DTNA: variants seen among roughly 807,000 people sequenced by gnomAD.
DTNA encodes the protein dystrophin-related protein 3.
In DTNA, 43 loss-of-function variants were observed where a neutral mutation model predicts 100.7. That is an observed-to-expected ratio of 0.43 (90% confidence interval 0.33 to 0.55). The LOEUF is 0.55. Among genes scored for constraint, DTNA ranks in the 20% least tolerant of loss-of-function variants. The pLI is 0.04. For synonymous variants in DTNA, 349 were observed against 347.9 expected, an observed-to-expected ratio of 1.00 and a Z score of -0.04; for missense variants, 798 against 953.9, an observed-to-expected ratio of 0.84 and a Z score of 2.15.
chr18:34,824,513 G>A (rs1043093988), intron 9 of DTNA, among the ~76,000 whole-genome samples: 1 of 151,886 alleles, frequency 6.6e-6, no homozygotes, highest in Non-Finnish European at 1.5e-5. Context: ...CATGGCACAT[G>A]TATACCTACG....
At chr18:34,840,363 A>G (rs141600386) in intron 13 of DTNA, among the ~76,000 whole-genome samples, 8 of 152,330 alleles carry the variant, frequency 5.3e-5, no homozygotes, top group African/African-American at 1.7e-4. Flanking sequence ...TAGCTGAAGC[A>G]GTAGAACTAA....
intron 1 of DTNA, among the ~76,000 whole-genome samples, chr18:34,532,808 A>T (rs1221260886): frequency 1.3e-5 from 2 of 151,702 alleles, no homozygotes; most frequent in Admixed American, 1.3e-4. Flanking sequence ...TAGATTTTAA[A>T]AATTAGAAGC....
intron 1 of DTNA, among the ~76,000 whole-genome samples, chr18:34,622,250 A>G (rs2056631091): frequency 6.6e-6 from 1 of 152,216 alleles, no homozygotes; most frequent in Non-Finnish European, 1.5e-5. Flanking sequence ...CACTATAAAT[A>G]TATGCAATGT....
chr18:34,753,678 G>C lies in DTNA; in HGVS notation c.-1-2298G>C, dbSNP rs1009497232. On this transcript the variant is annotated intron_variant, in intron 1 of 22. Transcript: ENST00000444659. ...ATTACAGGCGTGAGCCACCGCGCCC[G>C]GCCTGTGATTTATTTTTAATCATTC... Among the ~76,000 whole-genome samples, 136 of 141,898 alleles carry C rather than the reference G, an allele frequency of 9.6e-4. 13 individuals are homozygous for C. Among genetic ancestry groups the C allele is most frequent in the African/African-American group, 4.1e-3 (130 of 31,764 alleles). 93.1% of individuals were successfully genotyped at this position (141,898 alleles called of 152,430 possible). A position where few individuals can be genotyped will look rare whatever the true frequency, so the allele number is the denominator to read the frequency against.
chr18:34,532,394 A>C (rs556016664), intron 1 of DTNA, among the ~76,000 whole-genome samples: 31 of 152,224 alleles, frequency 2.0e-4, no homozygotes, highest in African/African-American at 6.3e-4. Context: ...GTAAAAAGAC[A>C]AGTCAGGTGG....
chr18:34,851,724 T>G (rs186149722), intron 14 of DTNA, 107 bp from the exon 15 acceptor site: 15 of 1,226,054 alleles, frequency 1.2e-5, no homozygotes, highest in Middle Eastern at 4.0e-4. Context: ...TTTGTTTTGA[T>G]AGAAATAATT....
chr18:34,838,142 G>A lies in DTNA; in HGVS notation c.1224G>A (p.Arg408=), dbSNP rs1308099814. The change falls in exon 12 of 23, where the codon AGG becomes AGA. Residue 408 remains arginine, a synonymous_variant. Coordinates refer to ENST00000444659, the MANE Select transcript of DTNA (RefSeq NM_001386795.1). ...SEVEQNKLLA[R]AAPAFLKGKG... The stretch of plus-strand genomic sequence containing the variant: ...TAGAGCAGAACAAACTGCTGGCTAG[G>A]GCTGCTCCAGCTTTTCTGAAGGGCA... 1.2e-6 allele frequency: 2 copies of A among 1,613,830 alleles called. No individual in the cohort carries two copies. Among genetic ancestry groups the A allele is most frequent in the South Asian group, 1.1e-5 (1 of 91,070 alleles).
At position 34,890,213 on chromosome 18, in the gene DTNA, A is replaced by G. The variant is rs1008375748; in HGVS notation, c.*2479A>G. 3 of 1,463,388 alleles carry G rather than the reference A, an allele frequency of 2.1e-6. No homozygotes were observed. The African/African-American group carries it at 4.3e-5, about 21-fold the overall frequency. 90.7% of individuals were successfully genotyped at this position (1,463,388 alleles called of 1,614,324 possible). Reference sequence around the variant, plus strand: ...CCAACTCCATCACATGGTTGTTGATATCGTCATATAAAGCCATTGCAAGGA... The same window carrying G: ...CCAACTCCATCACATGGTTGTTGATGTCGTCATATAAAGCCATTGCAAGGA... On this transcript the variant is annotated 3_prime_UTR_variant, in exon 23 of 23. Coordinates refer to ENST00000444659, the MANE Select transcript of DTNA (RefSeq NM_001386795.1).
chr18:34,813,325 C>T (rs1293345753), intron 6 of DTNA, among the ~76,000 whole-genome samples: 2 of 151,550 alleles, frequency 1.3e-5, no homozygotes, highest in Admixed American at 1.3e-4. Flanking sequence ...AAAACATAGC[C>T]AGGCATGGTG....
At chr18:34,650,790 AG>A (rs1188132190) in intron 1 of DTNA, among the ~76,000 whole-genome samples, 2 of 152,210 alleles carry the variant, frequency 1.3e-5, no homozygotes, top group African/African-American at 4.8e-5. Context: ...TAGTAGTACT[AG>A]GATATGTGTT....
intron 1 of DTNA, among the ~76,000 whole-genome samples, chr18:34,539,979 T>C (rs2044090488): frequency 6.6e-6 from 1 of 151,894 alleles, no homozygotes; most frequent in African/African-American, 2.4e-5. Flanking sequence ...TAACCAAAAA[T>C]ATATAAGTAA....
intron 3 of DTNA, 76 bp from the exon 4 acceptor site, chr18:34,793,961 G>C: frequency 6.7e-7 from 1 of 1,491,684 alleles, no homozygotes; most frequent in South Asian, 1.2e-5. Context: ...AAAAAAACAG[G>C]ACAGAGGGTC....
intron 1 of DTNA, among the ~76,000 whole-genome samples, chr18:34,564,491 G>C (rs1375214677): frequency 6.6e-6 from 1 of 152,200 alleles, no homozygotes; most frequent in Non-Finnish European, 1.5e-5. Flanking sequence ...AACTGGGAAA[G>C]TCATAGTCTT....
intron 1 of DTNA, among the ~76,000 whole-genome samples, chr18:34,581,816 G>A (rs1357808046): frequency 6.6e-6 from 1 of 151,896 alleles, no homozygotes; most frequent in East Asian, 1.9e-4. Flanking sequence ...TAGAGACAGG[G>A]TTTCACCATG....
chr18:34,580,468 TG>T (rs1194397438), intron 1 of DTNA, among the ~76,000 whole-genome samples: 1 of 152,082 alleles, frequency 6.6e-6, no homozygotes, highest in African/African-American at 2.4e-5. Context: ...TGGCTGTGTG[TG>T]GGGTCGGGGG....
chr18:34,724,573 G>A (rs1052527657), intron 1 of DTNA, among the ~76,000 whole-genome samples: 3 of 152,206 alleles, frequency 2.0e-5, no homozygotes, highest in African/African-American at 7.2e-5. Context: ...AAGGTGAAAG[G>A]GAAATAGCAT....
At chr18:34,536,430 G>A (rs1188475451) in intron 1 of DTNA, among the ~76,000 whole-genome samples, 1 of 151,840 alleles carries the variant, frequency 6.6e-6, no homozygotes, top group Admixed American at 6.6e-5. Context: ...ATCAAAACAT[G>A]TTATTGATTC....
chr18:34,714,856 A>G (rs1600687696), intron 1 of DTNA, among the ~76,000 whole-genome samples: 1 of 152,172 alleles, frequency 6.6e-6, no homozygotes, highest in Non-Finnish European at 1.5e-5. Context: ...GCACATACAC[A>G]CCATGGAATA....
At chr18:34,563,108 A>G (rs533311721) in intron 1 of DTNA, among the ~76,000 whole-genome samples, 1 of 152,176 alleles carries the variant, frequency 6.6e-6, no homozygotes, top group Non-Finnish European at 1.5e-5. Context: ...GGAACTACCC[A>G]ATGTGACCTT....
Sources: gnomAD v4.1 joint callset for allele counts (sites outside exome capture counted in the v4.1 genomes callset) on GRCh38, gnomAD v4.1.1 for gene constraint, MANE v1.5 for transcripts, NCBI Gene and HGNC (gene_info 2026-07-23, HGNC 2026-07-21) for gene names.